Variants in SKAP1 observed in about 807,000 individuals in gnomAD.
SKAP1 encodes src kinase-associated phosphoprotein 1.
In SKAP1, 44 loss-of-function variants were observed where a neutral mutation model predicts 58.5. The ratio of observed to expected loss-of-function variants is 0.75; its 90% confidence interval spans 0.59 to 0.97. SKAP1 has a LOEUF of 0.97. SKAP1 is among the 50% of genes least tolerant of loss of function. The pLI is 0.00. For synonymous variants in SKAP1, 127 were observed against 149.7 expected (o/e 0.85, Z 1.11); for missense variants, 390 against 435.2 (o/e 0.90, Z 0.92).
intron 2 of SKAP1, among the ~76,000 whole-genome samples, chr17:48,373,999 C>T (rs1219123053): frequency 6.6e-6 from 1 of 152,088 alleles, no homozygotes; most frequent in African/African-American, 2.4e-5. Flanking sequence ...AATCAAATCT[C>T]TTCTTAATGA....
At chr17:48,151,679 G>C (rs1367485053) in intron 11 of SKAP1, among the ~76,000 whole-genome samples, 1 of 152,112 alleles carries the variant, frequency 6.6e-6, no homozygotes, top group Non-Finnish European at 1.5e-5. Flanking sequence ...TTGTTTAATA[G>C]TTAGAAACCA....
chr17:48,253,765 C>G (rs1456169875), intron 4 of SKAP1, among the ~76,000 whole-genome samples: 1 of 152,136 alleles, frequency 6.6e-6, no homozygotes, highest in East Asian at 1.9e-4. Flanking sequence ...TGGCTGCCAC[C>G]AAGGGGAGGA....
At chr17:48,412,528 A>G (rs2067677616) in intron 1 of SKAP1, among the ~76,000 whole-genome samples, 1 of 152,228 alleles carries the variant, frequency 6.6e-6, no homozygotes, top group African/African-American at 2.4e-5. Flanking sequence ...GAAAAAGGAA[A>G]GGAAGCCCCC....
intron 4 of SKAP1, among the ~76,000 whole-genome samples, chr17:48,317,748 T>C (rs1264586421): frequency 2.0e-5 from 3 of 152,198 alleles, no homozygotes; most frequent in Admixed American, 1.3e-4. Context: ...TTTTTCAGGA[T>C]GGATATGTGT....
chr17:48,197,190 G>A (rs7207937), intron 4 of SKAP1, among the ~76,000 whole-genome samples: 22,770 of 147,874 alleles, frequency 0.15, 2,268 homozygotes, highest in African/African-American at 0.28. Context: ...CCCAGGAGGC[G>A]GATGTGGCAG....
At chr17:48,375,417 A>G (rs765415109) in intron 2 of SKAP1, among the ~76,000 whole-genome samples, 1 of 152,234 alleles carries the variant, frequency 6.6e-6, no homozygotes, top group Non-Finnish European at 1.5e-5. Context: ...AGAGTCTCCT[A>G]TAACACTTTT....
chr17:48,373,098 C>T (rs1433491266), intron 2 of SKAP1, among the ~76,000 whole-genome samples: 2 of 152,214 alleles, frequency 1.3e-5, no homozygotes, highest in Non-Finnish European at 2.9e-5. Flanking sequence ...TATAAAGATA[C>T]TACCTGAGAC....
chr17:48,214,083 G>A (rs1175817661), intron 4 of SKAP1, among the ~76,000 whole-genome samples: 3 of 152,212 alleles, frequency 2.0e-5, no homozygotes, highest in Non-Finnish European at 4.4e-5. Flanking sequence ...AATAAAAAGC[G>A]TTTGATGTGA....
At chr17:48,414,409 G>A (rs1009233241) in intron 1 of SKAP1, among the ~76,000 whole-genome samples, 2 of 152,128 alleles carry the variant, frequency 1.3e-5, no homozygotes, top group Non-Finnish European at 2.9e-5. Context: ...AGTTTAGTTG[G>A]AGAGACAAAA....
intron 4 of SKAP1, among the ~76,000 whole-genome samples, chr17:48,345,519 C>A (rs2066711576): frequency 1.3e-5 from 2 of 152,006 alleles, no homozygotes; most frequent in African/African-American, 4.8e-5. Context: ...AATTAATAAT[C>A]CAACAATCAT....
chr17:48,272,093 T>C (rs2065640863), intron 4 of SKAP1, among the ~76,000 whole-genome samples: 1 of 152,010 alleles, frequency 6.6e-6, no homozygotes, highest in Non-Finnish European at 1.5e-5. Flanking sequence ...TTAAATATTA[T>C]AAAAGCAGTA....
chr17:48,370,322 T>C (rs1330974533), intron 2 of SKAP1, among the ~76,000 whole-genome samples: 1 of 152,186 alleles, frequency 6.6e-6, no homozygotes, highest in East Asian at 1.9e-4. Flanking sequence ...TTATATTTTT[T>C]TGAAACAGGG....
chr17:48,416,116 A>T (rs895811128), intron 1 of SKAP1, among the ~76,000 whole-genome samples: 2 of 152,218 alleles, frequency 1.3e-5, no homozygotes, highest in African/African-American at 4.8e-5. Flanking sequence ...CTAAGTGAAC[A>T]TTGGAAAATA....
At position 48,335,419 on chromosome 17, in the gene SKAP1, T is replaced by A. The variant is rs115640647; in HGVS notation, c.280+10486A>T. On this transcript the variant is annotated intron_variant, in intron 4 of 12. Transcript: ENST00000336915. ...ATCAACTATTTCAAGGCAGAAGGGT[T>A]ACTTTTAGTAGTCTCCTAGAAAACA... 3.2e-3 allele frequency among the ~76,000 whole-genome samples: 494 copies of A among 152,160 alleles called. 1 individual carries two copies. Among genetic ancestry groups the A allele is most frequent in the African/African-American group, 0.011 (471 of 41,568 alleles).
At chr17:48,360,736 C>T (rs1349800371) in intron 3 of SKAP1, among the ~76,000 whole-genome samples, 1 of 151,886 alleles carries the variant, frequency 6.6e-6, no homozygotes, top group African/African-American at 2.4e-5. Context: ...TCCCTGTTTC[C>T]TTTTTAAAAT....
chr17:48,275,647 G>A (rs2065689950), intron 4 of SKAP1, among the ~76,000 whole-genome samples: 1 of 152,160 alleles, frequency 6.6e-6, no homozygotes, highest in South Asian at 2.1e-4. Flanking sequence ...TTGGGTCAGG[G>A]TTCTTAGCTG....
At chr17:48,328,436 C>T (rs1161990929) in intron 4 of SKAP1, among the ~76,000 whole-genome samples, 6 of 152,078 alleles carry the variant, frequency 3.9e-5, no homozygotes, top group African/African-American at 7.2e-5. Flanking sequence ...ATGATACCCC[C>T]GTACTGAGGA....
chr17:48,347,796 G>T (rs1216517542), intron 3 of SKAP1, among the ~76,000 whole-genome samples: 1 of 151,962 alleles, frequency 6.6e-6, no homozygotes, highest in Non-Finnish European at 1.5e-5. Flanking sequence ...TTACATCACT[G>T]GAAGTCCACT....
intron 4 of SKAP1, among the ~76,000 whole-genome samples, chr17:48,201,096 GA>G: frequency 6.6e-6 from 1 of 152,270 alleles, no homozygotes; most frequent in Non-Finnish European, 1.5e-5. Flanking sequence ...AAGAGGCAAG[GA>G]AAGGAGGATT....
Sources: gnomAD v4.1 joint callset for allele counts (sites outside exome capture counted in the v4.1 genomes callset) on GRCh38, gnomAD v4.1.1 for gene constraint, MANE v1.5 for transcripts, NCBI Gene and HGNC (gene_info 2026-07-23, HGNC 2026-07-21) for gene names.